TTLL9: variants seen among roughly 807,000 people sequenced by gnomAD.
TTLL9 encodes the protein probable tubulin polyglutamylase TTLL9.
In TTLL9, 47 loss-of-function variants were observed where a neutral mutation model predicts 65.6. The observed-to-expected ratio is 0.72, with a 90% CI of 0.57 to 0.91. The LOEUF is 0.91. Ranked by LOEUF, TTLL9 falls within the 40% of genes least tolerant of loss-of-function variation. The pLI, the probability that TTLL9 is intolerant of heterozygous loss-of-function variation, is 0.00. For synonymous variants in TTLL9, 179 were observed against 204.8 expected (o/e 0.87, Z 1.07); for missense variants, 537 against 568.8 (o/e 0.94, Z 0.57).
At chr20:31,914,124 G>A (rs2063697492) in intron 6 of TTLL9, among the ~76,000 whole-genome samples, 1 of 152,226 alleles carries the variant, frequency 6.6e-6, no homozygotes, top group South Asian at 2.1e-4. Flanking sequence ...CAAACTGCAA[G>A]GCAGGAAGAG....
At chr20:31,915,958 T>C (rs911591158) in intron 6 of TTLL9, among the ~76,000 whole-genome samples, 11 of 152,354 alleles carry the variant, frequency 7.2e-5, no homozygotes, top group African/African-American at 2.2e-4. Context: ...ATTTAGTTCA[T>C]GTGAGCCCCC....
chr20:31,876,274 G>A (rs182218711), intron 2 of TTLL9, among the ~76,000 whole-genome samples: 2 of 152,212 alleles, frequency 1.3e-5, no homozygotes, highest in South Asian at 2.1e-4. Flanking sequence ...TGGCAAAACC[G>A]TCTCTACTAG....
intron 2 of TTLL9, among the ~76,000 whole-genome samples, chr20:31,886,169 C>T (rs537241152): frequency 6.6e-5 from 10 of 152,324 alleles, no homozygotes; most frequent in South Asian, 2.1e-4. Context: ...GTCATGCCCA[C>T]GCTCCTGGCC....
At chr20:31,884,058 A>G (rs1346340593) in intron 2 of TTLL9, 3 of 548,890 alleles carry the variant, frequency 5.5e-6, no homozygotes, top group Middle Eastern at 5.3e-4. Flanking sequence ...CAAAGGATTT[A>G]CAAACTACCA....
At chr20:31,937,163 C>G (rs1328143780) in intron 12 of TTLL9, among the ~76,000 whole-genome samples, 1 of 150,332 alleles carries the variant, frequency 6.7e-6, no homozygotes, top group Admixed American at 6.6e-5. Flanking sequence ...AATCCCAGCA[C>G]TTCGGGAGGC....
In TTLL9 at chr20:31,943,077, C is replaced by G. The variant is rs553667704; in HGVS notation, c.*56C>G. ...GCAGGTGCCACCCAGGCCTCCCCCC[C>G]ACTCCCAGATCCCAGCACAGCACCT... On this transcript the variant is annotated 3_prime_UTR_variant, in exon 15 of 15. Transcript: ENST00000535842. The G allele has an allele frequency of 9.7e-5, 147 of 1,508,552 alleles. 1 individual carries two copies. The highest frequency in any genetic ancestry group is 4.5e-4 in the East Asian group (20 of 44,384). 93.4% of individuals were successfully genotyped at this position (1,508,552 alleles called of 1,614,324 possible). A position where few individuals can be genotyped will look rare whatever the true frequency, so the allele number is the denominator to read the frequency against.
At chr20:31,911,300 T>G (rs572997515) in intron 6 of TTLL9, among the ~76,000 whole-genome samples, 1 of 152,314 alleles carries the variant, frequency 6.6e-6, no homozygotes, top group Admixed American at 6.5e-5. Context: ...ACCGTAGCCT[T>G]GAATGGCATC....
At chr20:31,873,730 GAAAGAAA>G (rs1418382248) in intron 2 of TTLL9, among the ~76,000 whole-genome samples, 61 of 103,902 alleles carry the variant, frequency 5.9e-4, no homozygotes, top group Non-Finnish European at 9.8e-4. Flanking sequence ...AAGAAAGAAA[GAAAGAAA>G]AAGGAAGGAA....
At chr20:31,905,754 C>A (rs2063546591) in intron 4 of TTLL9, among the ~76,000 whole-genome samples, 2 of 152,084 alleles carry the variant, frequency 1.3e-5, no homozygotes. Flanking sequence ...AAATTCCAGG[C>A]CGGGCGCGGT....
rs541065404 is a variant in TTLL9, at chr20:31,901,628, C to T, written c.206+3063C>T. Among the ~76,000 whole-genome samples, 3 of 152,312 alleles carry T rather than the reference C, an allele frequency of 2.0e-5. No homozygotes were observed. The South Asian group carries it at 6.2e-4, about 32-fold the overall frequency. ...GGTCTCTGACTTCTTTCCTTCCGCC[C>T]TGGCTTTTCTTAGTGTTCTTGAACA... is the stretch of plus-strand genomic sequence containing the variant. On this transcript the variant is annotated intron_variant, in intron 4 of 14. Transcript: ENST00000535842.
chr20:31,891,424 G>T (rs553911783), intron 3 of TTLL9, among the ~76,000 whole-genome samples: 3 of 151,636 alleles, frequency 2.0e-5, no homozygotes, highest in African/African-American at 2.4e-5. Flanking sequence ...TTGTCGTTTC[G>T]GGTCTATTGC....
intron 12 of TTLL9, 106 bp from the exon 13 acceptor site, chr20:31,937,290 A>T (rs2064128073): frequency 1.4e-6 from 1 of 710,330 alleles, no homozygotes; most frequent in South Asian, 1.7e-5. Context: ...AGTAGCCTGG[A>T]TTGAATTGAC....
chr20:31,911,875 T>TCC (rs1226876324), intron 6 of TTLL9, among the ~76,000 whole-genome samples: 1 of 129,620 alleles, frequency 7.7e-6, no homozygotes, highest in Non-Finnish European at 1.7e-5. Flanking sequence ...TGTGTGTGTG[T>TCC]CCTCTTTCCC....
chr20:31,898,612 G>A, intron 4 of TTLL9, 47 bp downstream of exon 4: 2 of 1,554,962 alleles, frequency 1.3e-6, no homozygotes, highest in Non-Finnish European at 1.8e-6. Context: ...TTGTCTCACA[G>A]GTCCTTGTCT....
intron 10 of TTLL9, among the ~76,000 whole-genome samples, chr20:31,929,268 A>G (rs2063964992): frequency 6.6e-6 from 1 of 152,246 alleles, no homozygotes; most frequent in Admixed American, 6.5e-5. Flanking sequence ...TAAACTTTAT[A>G]CATGTCTATT....
chr20:31,919,172 TC>T (rs2123549852), intron 6 of TTLL9, among the ~76,000 whole-genome samples: 1 of 152,330 alleles, frequency 6.6e-6, no homozygotes, highest in South Asian at 2.1e-4. Flanking sequence ...GACTGGCCAG[TC>T]TTAGCTCAAC....
intron 4 of TTLL9, among the ~76,000 whole-genome samples, chr20:31,902,615 C>A (rs2063494822): frequency 6.6e-6 from 1 of 152,030 alleles, no homozygotes; most frequent in South Asian, 2.1e-4. Context: ...TTATTTCCAC[C>A]TTTGGGCTGT....
chr20:31,928,004 A>G (rs2063938125), intron 10 of TTLL9, among the ~76,000 whole-genome samples: 1 of 149,922 alleles, frequency 6.7e-6, no homozygotes, highest in Non-Finnish European at 1.5e-5. Flanking sequence ...TCTAACAAGC[A>G]TTTATCATAT....
intron 14 of TTLL9, 50 bp from the exon 15 acceptor site, chr20:31,942,895 A>T: frequency 1.3e-6 from 2 of 1,595,452 alleles, no homozygotes; most frequent in Non-Finnish European, 1.7e-6. Flanking sequence ...AGGCCCCTCC[A>T]CTCCTCCCAA....
Sources: allele counts gnomAD v4.1 joint callset (sites outside exome capture counted in the v4.1 genomes callset), GRCh38; gene constraint gnomAD v4.1.1; transcripts MANE v1.5; gene names NCBI Gene and HGNC (gene_info 2026-07-23, HGNC 2026-07-21).